Variants in UBALD1 observed in about 807,000 individuals in gnomAD.
The protein encoded by UBALD1 is UBA like domain containing 1, also known as UBA-like domain-containing protein 1.
UBALD1 carries 5 observed loss-of-function variants against 16.1 expected under a neutral mutation model. That is an observed-to-expected ratio of 0.31 (90% CI 0.16 to 0.66). The LOEUF (loss-of-function observed/expected upper bound fraction) is 0.66, where lower values mean the gene tolerates loss of function less well. UBALD1 is among the 30% of genes least tolerant of loss of function. UBALD1 has a pLI of 0.77. For missense variants in UBALD1, 220 were observed against 252.8 expected (o/e 0.87, Z 0.88); for synonymous variants, 146 against 105.3 (o/e 1.39, Z -2.37).
chr16:4,611,730 T>G (rs1012465641), intron 1 of UBALD1, among the ~76,000 whole-genome samples: 44 of 152,170 alleles, frequency 2.9e-4, no homozygotes, highest in Middle Eastern at 3.2e-3. Context: ...GACTGGGAAC[T>G]GAGGAGCCCC....
At chr16:4,612,063 AT>A (rs35403269) in intron 1 of UBALD1, among the ~76,000 whole-genome samples, 70,394 of 117,100 alleles carry the variant, frequency 0.6, 22,542 homozygotes, top group East Asian at 0.8. Flanking sequence ...GGCTATTTAG[AT>A]TTTTTTTTTT....
At chr16:4,610,985 C>A in intron 1 of UBALD1, 1 of 368,676 alleles carries the variant, frequency 2.7e-6, no homozygotes, top group South Asian at 1.3e-4. Flanking sequence ...ACCACCTCAA[C>A]GGGTAGCAAG....
chr16:4,609,618 G>A lies in UBALD1; in HGVS notation c.*15C>T. 2 of 1,220,484 alleles carry A rather than the reference G, an allele frequency of 1.6e-6. No homozygotes were observed. The highest frequency in any genetic ancestry group is 1.1e-6 in the Non-Finnish European group (1 of 924,770). The allele number at this position is 1,220,484 out of a possible 1,614,324, so 75.6% of individuals were successfully genotyped here. On this transcript the variant is annotated 3_prime_UTR_variant, in exon 3 of 3. Transcript: ENST00000283474. ...CCACGGGGTCCTGGCCTCCGGGAGG[G>A]GGGAGGGGCCTCCCTTATCTCTCTG...
rs372905090 is a variant in UBALD1 at position 4,609,617 on chromosome 16, G to A, written c.*16C>T. 5.1e-5 allele frequency: 62 copies of A among 1,207,720 alleles called. No individual in the cohort carries two copies. The highest frequency in any genetic ancestry group is 2.2e-4 in the South Asian group (10 of 44,726). The allele number at this position is 1,207,720 out of a possible 1,614,324, so 74.8% of individuals were successfully genotyped here. A position where few individuals can be genotyped will look rare whatever the true frequency, so the allele number is the denominator to read the frequency against. The stretch of plus-strand genomic sequence containing the variant: ...CCCACGGGGTCCTGGCCTCCGGGAG[G>A]GGGGAGGGGCCTCCCTTATCTCTCT... On this transcript the variant is annotated 3_prime_UTR_variant, in exon 3 of 3. Transcript: ENST00000283474.
At chr16:4,610,064 G>A in intron 2 of UBALD1, 81 bp from the exon 3 acceptor site, 1 of 1,098,172 alleles carries the variant, frequency 9.1e-7, no homozygotes. Flanking sequence ...GAGATGCGTG[G>A]CTGGCCCATT....
Position 4,609,896 on chromosome 16 carries a change from A to G in UBALD1, c.271T>C (p.Phe91Leu). Residue 91 changes from phenylalanine (F) to leucine (L), a missense_variant, in exon 3 of 3, where the codon TTC becomes CTC. Phe to Leu is a conservative substitution (Grantham distance 22, BLOSUM62 0). This residue lies in a region of UBALD1 where 151 missense variants were observed against 132.6 expected (regional missense o/e 1.14). Transcript: ENST00000283474. ...MFSRLKASES[F>L]HSGGSGSPMA... The stretch of plus-strand genomic sequence containing the variant: ...GGGCTGCCGCTGCCACCGCTGTGGA[A>G]GCTCTCGGAGGCCTTGAGACGGGAG... 1 of 1,566,136 alleles carries G rather than the reference A, an allele frequency of 6.4e-7. No individual in the cohort carries two copies. Among genetic ancestry groups the G allele is most frequent in the Non-Finnish European group, 8.6e-7 (1 of 1,157,268 alleles).
At chr16:4,611,765 T>C (rs1168622365) in intron 1 of UBALD1, among the ~76,000 whole-genome samples, 1 of 152,172 alleles carries the variant, frequency 6.6e-6, no homozygotes, top group Non-Finnish European at 1.5e-5. Context: ...GGATTTGCTA[T>C]GTCCTGGCTG....
Position 4,614,752 on chromosome 16 carries a change from G to A in UBALD1, c.46C>T (p.Gln16Ter). The A allele has an allele frequency of 6.4e-7, 1 of 1,562,168 alleles. No homozygotes were observed. Among genetic ancestry groups the A allele is most frequent in the Non-Finnish European group, 8.6e-7 (1 of 1,156,688 alleles). The change falls in exon 1 of 3, where the codon CAG becomes TAG. Residue 16 changes from glutamine to a stop codon, truncating the protein, a stop_gained. Transcript: ENST00000283474. LOFTEE classifies it high-confidence loss of function. ...GCGCAGCCCGCCGTCAGCACGAACT[G>A]GTTGATCATGACCTGGTGCTTGAGC... Reference protein sequence around the residue: ...DELKHQVMINQFVLTAGCAAD... With the variant: ...DELKHQVMIN
At chr16:4,612,252 T>C (rs752173202) in intron 1 of UBALD1, among the ~76,000 whole-genome samples, 3 of 151,954 alleles carry the variant, frequency 2.0e-5, no homozygotes, top group East Asian at 1.9e-4. Context: ...TTAGTAGAGA[T>C]GGGGTTTCAC....
At position 4,614,862 on chromosome 16, in the gene UBALD1, C is replaced by T; in HGVS notation, c.-65G>A. Reference sequence around the variant, plus strand: ...CCGCGCCTCCGCCTCACGCGTCCACCATTAGCGAGCCGGCTCCGGCTAATA... The same window carrying T: ...CCGCGCCTCCGCCTCACGCGTCCACTATTAGCGAGCCGGCTCCGGCTAATA... On this transcript the variant is annotated 5_prime_UTR_variant, in exon 1 of 3. It removes an upstream start codon present in the reference 5' UTR. Transcript: ENST00000283474. 1 of 1,398,400 alleles carries T rather than the reference C, an allele frequency of 7.2e-7. No individual in the cohort carries two copies. Among genetic ancestry groups the T allele is most frequent in the Non-Finnish European group, 9.4e-7 (1 of 1,068,418 alleles). 86.6% of individuals were successfully genotyped at this position (1,398,400 alleles called of 1,614,324 possible). A position where few individuals can be genotyped will look rare whatever the true frequency, so the allele number is the denominator to read the frequency against.
At chr16:4,612,218 C>A (rs1281320423) in intron 1 of UBALD1, among the ~76,000 whole-genome samples, 3 of 152,004 alleles carry the variant, frequency 2.0e-5, no homozygotes, top group Non-Finnish European at 4.4e-5. Flanking sequence ...CACGTGCCAC[C>A]ACACCTGGCT....
At position 4,614,847 on chromosome 16, in the gene UBALD1, G is replaced by A. The variant is rs751954766; in HGVS notation, c.-50C>T. The A allele has an allele frequency of 7.6e-6, 11 of 1,439,092 alleles. No homozygotes were observed. In the South Asian group the frequency reaches 8.8e-5, roughly 12 times the overall value. 89.1% of individuals were successfully genotyped at this position (1,439,092 alleles called of 1,614,324 possible). On this transcript the variant is annotated 5_prime_UTR_variant, in exon 1 of 3. Transcript: ENST00000283474. ...GCCTCCCTCCTCCGCCCGCGCCTCC[G>A]CCTCACGCGTCCACCATTAGCGAGC...
Position 4,609,416 on chromosome 16 carries a change from C to G in UBALD1, c.*217G>C. 1 of 397,674 alleles carries G rather than the reference C, an allele frequency of 2.5e-6. No individual in the cohort carries two copies. Among genetic ancestry groups the G allele is most frequent in the Non-Finnish European group, 4.4e-6 (1 of 226,134 alleles). The allele number at this position is 397,674 out of a possible 1,614,324, so 24.6% of individuals were successfully genotyped here. A position where few individuals can be genotyped will look rare whatever the true frequency, so the allele number is the denominator to read the frequency against. On this transcript the variant is annotated 3_prime_UTR_variant, in exon 3 of 3. Coordinates refer to ENST00000283474, the MANE Select transcript of UBALD1 (RefSeq NM_145253.3). The stretch of plus-strand genomic sequence containing the variant: ...CAGGCACCCAGGCCGCGCTGAACCA[C>G]TCCATGTGCCGGGGCCGCTGGGGCC...
At chr16:4,610,607 G>T in intron 1 of UBALD1, 52 bp from the exon 2 acceptor site, 1 of 1,572,112 alleles carries the variant, frequency 6.4e-7, no homozygotes. Context: ...CGGCCCTGCC[G>T]CTGCCCTTGT....
At chr16:4,612,521 A>G (rs112947794) in intron 1 of UBALD1, among the ~76,000 whole-genome samples, 1 of 151,998 alleles carries the variant, frequency 6.6e-6, no homozygotes, top group African/African-American at 2.4e-5. Flanking sequence ...GCTGTGCCCC[A>G]AAGCCCAGGC....
At position 4,614,589 on chromosome 16, in the gene UBALD1, G is replaced by T. The variant is rs759257666; in HGVS notation, c.120+89C>A. The T allele has an allele frequency of 2.4e-6, 3 of 1,268,798 alleles. No homozygotes were observed. The South Asian group carries it at 8.4e-5, about 36-fold the overall frequency. The allele number at this position is 1,268,798 out of a possible 1,614,324, so 78.6% of individuals were successfully genotyped here. ...CCCGGAGGGGGCGCACAGCCGGCAC[G>T]CGTCCACGCCGTCCGCCCCCGCCCG... On this transcript the variant is annotated intron_variant, in intron 1 of 2. Coordinates refer to ENST00000283474, the MANE Select transcript of UBALD1 (RefSeq NM_145253.3).
intron 1 of UBALD1, 58 bp downstream of exon 1, chr16:4,614,620 C>A (rs1235003928): frequency 3.8e-6 from 5 of 1,301,872 alleles, no homozygotes; most frequent in Admixed American, 4.1e-5. Context: ...GCCCGGCGGC[C>A]ACGCGGGACA....
At chr16:4,610,128 G>A in intron 2 of UBALD1, 145 bp from the exon 3 acceptor site, 4 of 779,872 alleles carry the variant, frequency 5.1e-6, no homozygotes, top group South Asian at 1.4e-5. Flanking sequence ...CGCCGCCCAG[G>A]GGTTCCCAGA....
chr16:4,609,678 G>T lies in UBALD1; in HGVS notation c.489C>A (p.Ala163=), dbSNP rs756389049. The change falls in exon 3 of 3, where the codon GCC becomes GCA. Residue 163 remains alanine, a synonymous_variant. Transcript: ENST00000283474. ...SDWPPLAPQQ[A]TSEPRAHPAM... ...CAGGGTGGGCCCTGGGTTCTGAGGT[G>T]GCCTGTTGGGGGGCCAGGGGTGGCC... The T allele has an allele frequency of 6.8e-7, 1 of 1,469,802 alleles. No individual in the cohort carries two copies. Among genetic ancestry groups the T allele is most frequent in the Admixed American group, 2.5e-5 (1 of 39,376 alleles). 91.0% of individuals were successfully genotyped at this position (1,469,802 alleles called of 1,614,324 possible).
Sources: gnomAD v4.1 joint callset for allele counts (sites outside exome capture counted in the v4.1 genomes callset) on GRCh38, gnomAD v4.1.1 for gene constraint, gnomAD v4.1.1 regional missense constraint, MANE v1.5 for transcripts, NCBI Gene and HGNC (gene_info 2026-07-23, HGNC 2026-07-21) for gene names.